HHLA2: variants seen among roughly 807,000 people sequenced by gnomAD.
HHLA2 encodes the protein HHLA2 member of B7 family.
In HHLA2, 48 loss-of-function variants were observed where a neutral mutation model predicts 45.9. The observed-to-expected ratio is 1.05, with a 90% CI of 0.83 to 1.33. HHLA2 has a LOEUF of 1.33. HHLA2 is among the 40% of genes most tolerant of loss of function. HHLA2 has a pLI of 0.00. For synonymous variants in HHLA2, 161 were observed against 173.9 expected (o/e 0.93, Z 0.59); for missense variants, 462 against 494.3 (o/e 0.93, Z 0.62).
At chr3:108,374,974 T>G (rs1171628806) in intron 8 of HHLA2, among the ~76,000 whole-genome samples, 126 of 140,168 alleles carry the variant, frequency 9.0e-4, no homozygotes, top group East Asian at 4.6e-3. Flanking sequence ...GCCATCCCAT[T>G]ACTGGGTATA....
At chr3:108,321,091 T>TAAAAAAAAAAAAAAAAAAACAAA (rs2081191994) in intron 2 of HHLA2, among the ~76,000 whole-genome samples, 1 of 101,428 alleles carries the variant, frequency 9.9e-6, no homozygotes, top group Non-Finnish European at 2.0e-5. Flanking sequence ...TCCAGGTGTT[T>TAAAAAAAAAAAAAAAAAAACAAA]AAAAAAAAAA....
intron 1 of HHLA2, among the ~76,000 whole-genome samples, chr3:108,309,239 T>G (rs1460606734): frequency 6.6e-6 from 1 of 152,190 alleles, no homozygotes; most frequent in African/African-American, 2.4e-5. Context: ...ATATCCAGTT[T>G]TGCAAGCACC....
rs993305391 is a variant in HHLA2, at chr3:108,362,963, G to A, written c.1108+517G>A. Among the ~76,000 whole-genome samples the A allele has an allele frequency of 5.3e-5, 8 of 152,092 alleles. No individual in the cohort carries two copies. In the East Asian group the frequency reaches 1.2e-3, roughly 22 times the overall value. On this transcript the variant is annotated intron_variant, in intron 8 of 10. Coordinates refer to ENST00000619531, the Ensembl canonical transcript of HHLA2. ...CTCCTTAAGCCCCTGGGCTCTGCCT[G>A]TTCTCCCTTGCTCTGAGTTTAGTCA...
chr3:108,349,750 T>TA (rs1309844392), intron 3 of HHLA2, among the ~76,000 whole-genome samples: 37 of 152,260 alleles, frequency 2.4e-4, no homozygotes, highest in Admixed American at 5.2e-4. Flanking sequence ...ACCTAGATGT[T>TA]AATGGGTTGG....
intron 3 of HHLA2, among the ~76,000 whole-genome samples, chr3:108,339,562 CAT>C (rs59412444): frequency 0.018 from 2,647 of 150,882 alleles, 72 homozygotes; most frequent in African/African-American, 0.06. Context: ...GTATATAGCA[CAT>C]ATATATATAT....
intron 1 of HHLA2, among the ~76,000 whole-genome samples, chr3:108,302,068 AT>A (rs1339446688): frequency 6.6e-6 from 1 of 152,210 alleles, no homozygotes; most frequent in East Asian, 1.9e-4. Flanking sequence ...CTGTGTTGCT[AT>A]TTATATTAGT....
chr3:108,372,724 C>A lies in HHLA2; in HGVS notation c.1109-3026C>A, dbSNP rs192449583. Among the ~76,000 whole-genome samples, 9 of 152,352 alleles carry A rather than the reference C, an allele frequency of 5.9e-5. No individual in the cohort carries two copies. The East Asian group carries it at 1.7e-3, about 29-fold the overall frequency. On this transcript the variant is annotated intron_variant, in intron 8 of 10. Transcript: ENST00000619531. ...CCTCTACGTGAATAAACTAGAAAATCTAGAAGAAATGGATAAATTCCTTGA... is the reference window on the plus strand; with the variant it reads ...CCTCTACGTGAATAAACTAGAAAATATAGAAGAAATGGATAAATTCCTTGA...
intron 1 of HHLA2, among the ~76,000 whole-genome samples, chr3:108,306,639 C>T (rs2080935282): frequency 6.6e-6 from 1 of 152,284 alleles, no homozygotes; most frequent in South Asian, 2.1e-4. Context: ...AATCCACTGG[C>T]AGAATGTTGC....
intron 3 of HHLA2, among the ~76,000 whole-genome samples, chr3:108,334,751 G>A (rs895070374): frequency 6.6e-6 from 1 of 152,220 alleles, no homozygotes; most frequent in African/African-American, 2.4e-5. Flanking sequence ...CAAAGATGGT[G>A]AGGAGTGCAG....
At chr3:108,342,880 C>T (rs961868964) in intron 3 of HHLA2, among the ~76,000 whole-genome samples, 1 of 152,158 alleles carries the variant, frequency 6.6e-6, no homozygotes, top group Non-Finnish European at 1.5e-5. Context: ...CTGCCCCTTC[C>T]AAGCTCAAGC....
At position 108,356,524 on chromosome 3, in the gene HHLA2, C is replaced by A. The variant is rs139418202; in HGVS notation, c.685+1143C>A. 2.7e-3 allele frequency among the ~76,000 whole-genome samples: 410 copies of A among 152,192 alleles called. 4 individuals carry two copies. Among genetic ancestry groups the A allele is most frequent in the African/African-American group, 9.5e-3 (393 of 41,504 alleles). On this transcript the variant is annotated intron_variant, in intron 6 of 10. Transcript: ENST00000619531. ...AGTCCAGTGTTAAAGGCATGAGTAC[C>A]CAATGTTCATTCTCCATCAGTCAGG...
intron 3 of HHLA2, among the ~76,000 whole-genome samples, chr3:108,331,817 T>C (rs1033810793): frequency 2.0e-5 from 3 of 152,164 alleles, no homozygotes; most frequent in Admixed American, 6.6e-5. Context: ...TAGTCCATTT[T>C]TTCCCTATTC....
At chr3:108,305,632 G>C (rs946415682) in intron 1 of HHLA2, among the ~76,000 whole-genome samples, 1 of 152,058 alleles carries the variant, frequency 6.6e-6, no homozygotes, top group Non-Finnish European at 1.5e-5. Context: ...GGAGGAACCA[G>C]ACACTCCAGG....
At chr3:108,306,499 T>C (rs1463259958) in intron 1 of HHLA2, among the ~76,000 whole-genome samples, 2 of 152,190 alleles carry the variant, frequency 1.3e-5, no homozygotes, top group East Asian at 3.9e-4. Context: ...GCTCTCCCTC[T>C]CTCTCCCTCT....
intron 3 of HHLA2, among the ~76,000 whole-genome samples, chr3:108,328,971 A>C (rs938371011): frequency 2.6e-5 from 4 of 152,138 alleles, no homozygotes; most frequent in African/African-American, 9.7e-5. Context: ...TTTGTGCTGG[A>C]TTCATGCGTG....
At chr3:108,318,110 G>C (rs931359651) in intron 2 of HHLA2, among the ~76,000 whole-genome samples, 1 of 151,646 alleles carries the variant, frequency 6.6e-6, no homozygotes, top group African/African-American at 2.4e-5. Flanking sequence ...GAACCAAGGA[G>C]GCTGAGGTTG....
At chr3:108,298,287 T>C (rs1464978777) in intron 1 of HHLA2, among the ~76,000 whole-genome samples, 1 of 152,172 alleles carries the variant, frequency 6.6e-6, no homozygotes, top group Non-Finnish European at 1.5e-5. Context: ...AAAATGAGGA[T>C]CCAAGTCCAT....
chr3:108,362,405 T>G, exon 8 of HHLA2: 4 of 1,612,864 alleles, frequency 2.5e-6, no homozygotes, highest in Non-Finnish European at 3.4e-6. Flanking sequence ...TCTGCGATTT[T>G]GGCAGCTTTT....
chr3:108,354,174 C>A (rs1037952753), intron 5 of HHLA2, among the ~76,000 whole-genome samples: 11 of 151,952 alleles, frequency 7.2e-5, no homozygotes, highest in African/African-American at 2.7e-4. Context: ...TATTGAATTG[C>A]TGATTTAAAT....
Sources: allele counts gnomAD v4.1 joint callset (sites outside exome capture counted in the v4.1 genomes callset), GRCh38; gene constraint gnomAD v4.1.1; transcripts MANE v1.5; gene names NCBI Gene and HGNC (gene_info 2026-07-23, HGNC 2026-07-21).